AKR1C8: variants seen among roughly 807,000 people sequenced by gnomAD.
The protein encoded by AKR1C8 is aldo-keto reductase family 1 member C-like protein 1.
At chr10:5,140,304 C>A in the AKR1C8 span, among the ~76,000 whole-genome samples, 2 of 152,126 alleles carry the variant, frequency 1.3e-5, no homozygotes, top group Non-Finnish European at 2.9e-5. Context: ...TGGGTATATA[C>A]CCAAAGGATT....
At chr10:5,121,139 A>AT in the AKR1C8 span, among the ~76,000 whole-genome samples, 2 of 152,066 alleles carry the variant, frequency 1.3e-5, no homozygotes, top group Admixed American at 1.3e-4. Flanking sequence ...AAAAAATTTC[A>AT]TTTTTTCCCT....
chr10:5,168,068 T>C, the AKR1C8 span, among the ~76,000 whole-genome samples: 2 of 152,074 alleles, frequency 1.3e-5, no homozygotes, highest in African/African-American at 4.8e-5. Flanking sequence ...ATGGCTTTCT[T>C]ACCAACTCTA....
At chr10:5,148,444 G>T in the AKR1C8 span, among the ~76,000 whole-genome samples, 1 of 152,026 alleles carries the variant, frequency 6.6e-6, no homozygotes, top group African/African-American at 2.4e-5. Context: ...ACCCAAGAAA[G>T]AAAAATGCAA....
chr10:5,134,626 A>G, the AKR1C8 span, among the ~76,000 whole-genome samples: 17 of 152,160 alleles, frequency 1.1e-4, no homozygotes, highest in Non-Finnish European at 2.1e-4. Context: ...AACTTGTATT[A>G]AGTCCAAGAC....
the AKR1C8 span, chr10:5,157,709 G>A: frequency 4.2e-5 from 20 of 472,750 alleles, no homozygotes; most frequent in Admixed American, 4.7e-5. Context: ...AGCTGGTAGC[G>A]CAGGGCGACC....
chr10:5,140,514 G>A, the AKR1C8 span, among the ~76,000 whole-genome samples: 4 of 152,078 alleles, frequency 2.6e-5, no homozygotes, highest in Non-Finnish European at 4.4e-5. Context: ...GGATGAAGCT[G>A]GAAACCATCA....
At chr10:5,162,388 G>C in the AKR1C8 span, among the ~76,000 whole-genome samples, 1 of 152,130 alleles carries the variant, frequency 6.6e-6, no homozygotes, top group Non-Finnish European at 1.5e-5. Flanking sequence ...ACACACACAG[G>C]GTGCATCCCT....
the AKR1C8 span, among the ~76,000 whole-genome samples, chr10:5,175,942 A>C: frequency 7.7e-3 from 1,174 of 152,200 alleles, 8 homozygotes; most frequent in Non-Finnish European, 0.012. Flanking sequence ...GTTCACTCTA[A>C]TGGTAGTTTC....
chr10:5,145,155 T>C, the AKR1C8 span, among the ~76,000 whole-genome samples: 1 of 152,140 alleles, frequency 6.6e-6, no homozygotes, highest in Non-Finnish European at 1.5e-5. Context: ...TTGGCTCTGT[T>C]TATATACTGG....
chr10:5,143,188 T>C, the AKR1C8 span, among the ~76,000 whole-genome samples: 1 of 152,132 alleles, frequency 6.6e-6, no homozygotes, highest in Non-Finnish European at 1.5e-5. Flanking sequence ...ACAACCCTTC[T>C]ATTAGCTGAC....
chr10:5,145,834 C>G, the AKR1C8 span, among the ~76,000 whole-genome samples: 8 of 152,140 alleles, frequency 5.3e-5, no homozygotes, highest in Non-Finnish European at 7.4e-5. Context: ...TTGACCCAGC[C>G]ATCCCATTAC....
the AKR1C8 span, among the ~76,000 whole-genome samples, chr10:5,167,046 C>T: frequency 1.3e-5 from 2 of 152,256 alleles, no homozygotes; most frequent in East Asian, 1.9e-4. Flanking sequence ...CTCATCATCA[C>T]TGGTCATCAG....
chr10:5,178,363 G>T, the AKR1C8 span, among the ~76,000 whole-genome samples: 5 of 152,130 alleles, frequency 3.3e-5, no homozygotes, highest in Non-Finnish European at 5.9e-5. Flanking sequence ...TATAATTTCT[G>T]TTCTTTTACA....
At chr10:5,133,109 G>A in the AKR1C8 span, among the ~76,000 whole-genome samples, 1 of 151,992 alleles carries the variant, frequency 6.6e-6, no homozygotes, top group Non-Finnish European at 1.5e-5. Flanking sequence ...TTGAGACAGA[G>A]TCTCACTCTG....
chr10:5,125,892 C>G, the AKR1C8 span, among the ~76,000 whole-genome samples: 1 of 152,112 alleles, frequency 6.6e-6, no homozygotes. Context: ...GTGGCTAGAC[C>G]CAGAAGAGCA....
At chr10:5,144,296 G>A in the AKR1C8 span, among the ~76,000 whole-genome samples, 4 of 152,130 alleles carry the variant, frequency 2.6e-5, no homozygotes, top group African/African-American at 9.7e-5. Context: ...ATAGTTTGAA[G>A]TCAGGTAGCG....
the AKR1C8 span, among the ~76,000 whole-genome samples, chr10:5,167,542 C>T: frequency 1.3e-5 from 2 of 152,134 alleles, no homozygotes; most frequent in East Asian, 3.9e-4. Flanking sequence ...GGACAAAAAA[C>T]CAAACACCGC....
chr10:5,145,243 C>T, the AKR1C8 span, among the ~76,000 whole-genome samples: 38 of 152,150 alleles, frequency 2.5e-4, no homozygotes, highest in East Asian at 6.8e-3. Flanking sequence ...CATAAAAACC[C>T]TAGAAGAAAA....
At chr10:5,179,441 C>T in the AKR1C8 span, among the ~76,000 whole-genome samples, 2 of 152,088 alleles carry the variant, frequency 1.3e-5, no homozygotes, top group Non-Finnish European at 2.9e-5. Context: ...TTTGGTGAAT[C>T]TGACAATTAT....
Sources: allele counts gnomAD v4.1 joint callset (sites outside exome capture counted in the v4.1 genomes callset), GRCh38; gene constraint gnomAD v4.1.1; transcripts MANE v1.5; gene names NCBI Gene and HGNC (gene_info 2026-07-23, HGNC 2026-07-21).